SLC35F4: variants seen among roughly 807,000 people sequenced by gnomAD.
SLC35F4 encodes solute carrier family 35 member F4.
In SLC35F4, 24 loss-of-function variants were observed where a neutral mutation model predicts 44.2. The ratio of observed to expected loss-of-function variants is 0.54; its 90% CI spans 0.39 to 0.76. The LOEUF (loss-of-function observed/expected upper bound fraction) is 0.76. Among genes scored for constraint, SLC35F4 ranks in the 30% least tolerant of loss-of-function variants. The pLI, the probability that SLC35F4 is intolerant of heterozygous loss-of-function variation, is 0.00. For synonymous variants in SLC35F4, 238 were observed against 223.6 expected (o/e 1.06, Z -0.57); for missense variants, 562 against 586.1 (o/e 0.96, Z 0.42).
chr14:57,916,309 C>T (rs1274871519), intron 1 of SLC35F4, among the ~76,000 whole-genome samples: 3 of 152,200 alleles, frequency 2.0e-5, no homozygotes, highest in African/African-American at 7.2e-5. Flanking sequence ...AAAGATCCCA[C>T]CTCTCAACAC....
At chr14:57,890,646 A>G (rs555495050) in intron 1 of SLC35F4, among the ~76,000 whole-genome samples, 6 of 152,108 alleles carry the variant, frequency 3.9e-5, no homozygotes, top group Non-Finnish European at 8.8e-5. Context: ...CTTTTTCCCA[A>G]TGTTCTCACC....
intron 3 of SLC35F4, among the ~76,000 whole-genome samples, chr14:57,582,614 G>A (rs898581288): frequency 6.6e-6 from 1 of 152,114 alleles, no homozygotes; most frequent in Non-Finnish European, 1.5e-5. Flanking sequence ...ACTTACCACT[G>A]GGAGAATTTT....
At position 57,581,357 on chromosome 14, in the gene SLC35F4, G is replaced by A. The variant is rs1373975711; in HGVS notation, c.664C>T (p.Leu222=). Residue 222 remains leucine (L), a synonymous_variant, in exon 4 of 8, where the codon CTA becomes TTA. Transcript: ENST00000556826. ...TAAAGGTAATTAGTCAAAGTCCATA[G>A]AATAGAAAAGGGAGCAGTTCTTTTA... The part of the protein sequence containing the change: ...FLKRTAPFSI[L]WTLTNYLYLL... The A allele has an allele frequency of 6.2e-7, 1 of 1,613,294 alleles. No individual in the cohort carries two copies. Among genetic ancestry groups the A allele is most frequent in the Non-Finnish European group, 8.5e-7 (1 of 1,179,670 alleles).
At chr14:57,883,600 T>C (rs768046611) in intron 1 of SLC35F4, among the ~76,000 whole-genome samples, 2 of 152,198 alleles carry the variant, frequency 1.3e-5, no homozygotes, top group Non-Finnish European at 2.9e-5. Flanking sequence ...AAATGTATAA[T>C]TTAAGGAGAT....
chr14:57,740,887 G>A (rs905969270), intron 1 of SLC35F4, among the ~76,000 whole-genome samples: 6 of 152,178 alleles, frequency 3.9e-5, no homozygotes, highest in Admixed American at 2.6e-4. Context: ...AGTAGGGGCC[G>A]ACTGACACCT....
chr14:57,973,618 A>C (rs79955080), downstream of SLC35F4, among the ~76,000 whole-genome samples: 685 of 152,282 alleles, frequency 4.5e-3, 4 homozygotes, highest in African/African-American at 0.015. Context: ...GACTTGGGAC[A>C]TGGAGTTGGG....
chr14:57,617,765 G>C (rs564063908), intron 1 of SLC35F4, among the ~76,000 whole-genome samples: 2 of 152,144 alleles, frequency 1.3e-5, no homozygotes, highest in Non-Finnish European at 2.9e-5. Flanking sequence ...GCTTTCCTAG[G>C]GAAGTGATAT....
At chr14:57,921,274 G>A (rs779263707) in intron 1 of SLC35F4, among the ~76,000 whole-genome samples, 6 of 152,194 alleles carry the variant, frequency 3.9e-5, no homozygotes, top group Non-Finnish European at 7.3e-5. Context: ...CATGCAGAGG[G>A]ATAAGAAGGC....
chr14:57,961,856 C>T (rs369356549), intron 1 of SLC35F4, among the ~76,000 whole-genome samples: 2 of 152,292 alleles, frequency 1.3e-5, no homozygotes, highest in African/African-American at 4.8e-5. Context: ...TATTATATGT[C>T]CTCATGGGCC....
In SLC35F4 at chr14:57,910,050, T is replaced by C. The variant is rs139335009; in HGVS notation, n.282+71863A>G. On this transcript the variant is annotated intron_variant and non_coding_transcript_variant, in intron 1 of 1. Coordinates refer to the SLC35F4 transcript ENST00000556568. The stretch of plus-strand genomic sequence containing the variant: ...CAATTTACAATTCCCTAATGATATA[T>C]GATCTTCAACATTTTTTCGTATATT... 9.5e-4 allele frequency among the ~76,000 whole-genome samples: 144 copies of C among 152,278 alleles called. 2 individuals are homozygous for C. Among genetic ancestry groups the C allele is most frequent in the African/African-American group, 3.2e-3 (135 of 41,578 alleles).
At chr14:57,754,516 C>G (rs2076953598) in intron 1 of SLC35F4, among the ~76,000 whole-genome samples, 2 of 152,198 alleles carry the variant, frequency 1.3e-5, no homozygotes, top group Non-Finnish European at 2.9e-5. Flanking sequence ...AAAACTTCAA[C>G]AAGACCACAG....
chr14:57,620,377 G>A (rs1566693475), intron 1 of SLC35F4, among the ~76,000 whole-genome samples: 2 of 152,134 alleles, frequency 1.3e-5, no homozygotes, highest in Non-Finnish European at 2.9e-5. Context: ...GAGGGTGGGG[G>A]CCAATATTCA....
At chr14:57,781,348 A>C (rs1014542331) in intron 1 of SLC35F4, among the ~76,000 whole-genome samples, 1 of 152,220 alleles carries the variant, frequency 6.6e-6, no homozygotes, top group African/African-American at 2.4e-5. Context: ...AGAAATGCAA[A>C]TCAAAACCAT....
chr14:57,882,642 T>C (rs1218651166), intron 1 of SLC35F4, among the ~76,000 whole-genome samples: 1 of 152,144 alleles, frequency 6.6e-6, no homozygotes, highest in Non-Finnish European at 1.5e-5. Flanking sequence ...AAATTACCTC[T>C]CTCCACAAAT....
chr14:57,841,856 A>G (rs1885519492), intron 1 of SLC35F4, among the ~76,000 whole-genome samples: 1 of 152,204 alleles, frequency 6.6e-6, no homozygotes, highest in Non-Finnish European at 1.5e-5. Context: ...AGAATAAAAG[A>G]TTAGCTAAAT....
At chr14:57,802,589 G>A (rs2078216784) in intron 1 of SLC35F4, among the ~76,000 whole-genome samples, 1 of 151,718 alleles carries the variant, frequency 6.6e-6, no homozygotes, top group Admixed American at 6.6e-5. Flanking sequence ...ATAAAGAAAA[G>A]AGAGAAGACT....
chr14:57,597,045 T>C (rs950581795), intron 1 of SLC35F4: 1 of 373,052 alleles, frequency 2.7e-6, no homozygotes, highest in South Asian at 2.5e-5. Context: ...TCTTGTACCA[T>C]TTAGTTAATC....
chr14:57,859,795 G>A (rs1030569354), intron 1 of SLC35F4, among the ~76,000 whole-genome samples: 11 of 152,182 alleles, frequency 7.2e-5, no homozygotes, highest in African/African-American at 2.4e-4. Flanking sequence ...TGATTATAGG[G>A]CAAGGGGAAA....
intron 1 of SLC35F4, among the ~76,000 whole-genome samples, chr14:57,900,066 G>A (rs1459697958): frequency 6.6e-6 from 1 of 151,942 alleles, no homozygotes; most frequent in Admixed American, 6.6e-5. Flanking sequence ...CTACTTTTAG[G>A]ATCCTACTGA....
Sources: gnomAD v4.1 joint callset for allele counts (sites outside exome capture counted in the v4.1 genomes callset) on GRCh38, gnomAD v4.1.1 for gene constraint, MANE v1.5 for transcripts, NCBI Gene and HGNC (gene_info 2026-07-23, HGNC 2026-07-21) for gene names.